PRG4: variants seen among roughly 807,000 people sequenced by gnomAD.
PRG4 encodes the protein proteoglycan 4, also known as articular superficial zone protein.
PRG4 carries 61 observed loss-of-function variants against 91.2 expected under a neutral mutation model. The ratio of observed to expected loss-of-function variants is 0.67; its 90% CI spans 0.54 to 0.83. The LOEUF (loss-of-function observed/expected upper bound fraction) is 0.83. Among genes scored for constraint, PRG4 ranks in the 40% least tolerant of loss-of-function variants. The probability of loss-of-function intolerance (pLI) is 0.00; values close to 1 mark genes in which losing one functional copy is unlikely to be tolerated. For missense variants in PRG4, 1,564 were observed against 1,714.2 expected (o/e 0.91, Z 1.55); for synonymous variants, 576 against 614.2 (o/e 0.94, Z 0.92).
At chr1:186,312,526 A>G in intron 11 of PRG4, 154 bp downstream of exon 11, 1 of 846,638 alleles carries the variant, frequency 1.2e-6, no homozygotes, top group South Asian at 1.8e-5. Context: ...CTTAGTGAAT[A>G]ACCAAAGACC....
Position 186,307,245 on chromosome 1 carries a change from C to T in PRG4, c.1526C>T (p.Thr509Ile). 6.3e-7 allele frequency: 1 copy of T among 1,595,162 alleles called. No individual in the cohort carries two copies. Among genetic ancestry groups the T allele is most frequent in the Non-Finnish European group, 8.5e-7 (1 of 1,172,646 alleles). ...APTTPKEPAP[T>I]TTKEPSPTTP... The stretch of plus-strand genomic sequence containing the variant: ...ACCACTCCCAAGGAGCCTGCACCCA[C>T]CACCACCAAGGAGCCTTCACCCACC... The change falls in exon 7 of 13, where the codon ACC becomes ATC. Residue 509 changes from threonine (T) to isoleucine (I), a missense_variant. Around this residue, in one of 3 missense-constraint regions of PRG4, gnomAD observed 1,079 missense variants for 1,162.2 expected, o/e 0.93. Transcript: ENST00000445192.
intron 2 of PRG4, 102 bp downstream of exon 2, chr1:186,297,053 C>A: frequency 9.2e-7 from 1 of 1,082,038 alleles, no homozygotes; most frequent in Non-Finnish European, 1.4e-6. Flanking sequence ...TTTATATTTG[C>A]TTGAGTTTAA....
rs189427371 is a variant in PRG4 at position 186,314,357 on chromosome 1, A to G, written c.*579A>G. The G allele has an allele frequency of 3.0e-5, 11 of 364,362 alleles. No individual in the cohort carries two copies. Among genetic ancestry groups the G allele is most frequent in the African/African-American group, 6.3e-5 (3 of 47,974 alleles). 22.6% of individuals were successfully genotyped at this position (364,362 alleles called of 1,614,324 possible). The stretch of plus-strand genomic sequence containing the variant: ...AGATACAACAAATGAATATAACACT[A>G]TAACACTTCATATTTTCCAAATCTT... On this transcript the variant is annotated 3_prime_UTR_variant, in exon 13 of 13. Coordinates refer to ENST00000445192, the MANE Select transcript of PRG4 (RefSeq NM_005807.6).
In PRG4 at chr1:186,306,469, C is replaced by G. The variant is rs146317304; in HGVS notation, c.750C>G (p.Pro250=). 2.5e-6 allele frequency: 4 copies of G among 1,613,716 alleles called. No homozygotes were observed. Among genetic ancestry groups the G allele is most frequent in the Non-Finnish European group, 3.4e-6 (4 of 1,179,788 alleles). The change falls in exon 7 of 13, where the codon CCC becomes CCG. Residue 250 remains proline (P), a synonymous_variant. Transcript: ENST00000445192. ...TTQHNKVSTS[P]KITTAKPINP... ...AACACAATAAAGTCAGCACATCTCCCAAGATCACAACAGCAAAACCAATAA... is the reference window on the plus strand; with the variant it reads ...AACACAATAAAGTCAGCACATCTCCGAAGATCACAACAGCAAAACCAATAA...
rs766427843 is a variant in PRG4 at position 186,311,081 on chromosome 1, C to T, written c.3547C>T (p.Arg1183Cys). Reference protein sequence around the residue: ...LSPFSPPSPARRITEVWGIPS... With the variant: ...LSPFSPPSPACRITEVWGIPS... ...TCCATTCAGTCCACCATCTCCAGCTCGCAGAATTACTGAAGTTTGGGGTAT... is the reference window on the plus strand; with the variant it reads ...TCCATTCAGTCCACCATCTCCAGCTTGCAGAATTACTGAAGTTTGGGGTAT... Residue 1183 changes from arginine to cysteine, a missense_variant, in exon 9 of 13, where the codon CGC becomes TGC. Arg to Cys is a radical substitution (Grantham distance 180). This residue lies in a region of PRG4 where 1,079 missense variants were observed against 1,162.2 expected (regional missense o/e 0.93). Coordinates refer to ENST00000445192, the MANE Select transcript of PRG4 (RefSeq NM_005807.6). The T allele has an allele frequency of 3.7e-6, 6 of 1,613,804 alleles. No homozygotes were observed. Among genetic ancestry groups the T allele is most frequent in the Admixed American group, 3.3e-5 (2 of 60,014 alleles).
Position 186,296,987 on chromosome 1 carries a change from C to T in PRG4, c.76+36C>T, listed in dbSNP as rs766832745. On this transcript the variant is annotated intron_variant, in intron 2 of 12. Coordinates refer to ENST00000445192, the MANE Select transcript of PRG4 (RefSeq NM_005807.6). ...CATCGAACATACTTTTATTTAACAA[C>T]TATTGCTAATCATTCAGTCTTGATT... 3 of 1,520,082 alleles carry T rather than the reference C, an allele frequency of 2.0e-6. No homozygotes were observed. In the African/African-American group the frequency reaches 4.1e-5, roughly 21 times the overall value. The allele number at this position is 1,520,082 out of a possible 1,614,324, so 94.2% of individuals were successfully genotyped here.
In PRG4 at chr1:186,306,426, C is replaced by G. The variant is rs371944260; in HGVS notation, c.707C>G (p.Pro236Arg). Residue 236 changes from proline to arginine, a missense_variant, in exon 7 of 13, where the codon CCT becomes CGT. By Grantham distance (103) the Pro-to-Arg change is moderately radical. Around this residue, in one of 3 missense-constraint regions of PRG4, gnomAD observed 437 missense variants for 459.0 expected, o/e 0.95. Coordinates refer to ENST00000445192, the MANE Select transcript of PRG4 (RefSeq NM_005807.6). ...AATGGTGACTTCAAGGTCACAACTC[C>G]TGACACGTCTACCACCCAACACAAT... ...LDNGDFKVTT[P>R]DTSTTQHNKV... The G allele has an allele frequency of 2.2e-5, 36 of 1,613,486 alleles. No individual in the cohort carries two copies. The highest frequency in any genetic ancestry group is 3.0e-5 in the Non-Finnish European group (35 of 1,179,668).
intron 2 of PRG4, among the ~76,000 whole-genome samples, chr1:186,297,294 A>G (rs562307007): frequency 6.6e-5 from 10 of 152,338 alleles, no homozygotes; most frequent in Non-Finnish European, 1.0e-4. Flanking sequence ...ATATTTAGAT[A>G]ACATGTAATT....
intron 2 of PRG4, among the ~76,000 whole-genome samples, chr1:186,298,367 G>C (rs1416203427): frequency 6.6e-6 from 1 of 152,272 alleles, no homozygotes; most frequent in East Asian, 1.9e-4. Context: ...GGGCAACAGA[G>C]TGAGACTCTG....
In PRG4 at chr1:186,310,657, A is replaced by ATTTTT. The variant is rs746583527; in HGVS notation, c.3500-372_3500-368dup. On this transcript the variant is annotated intron_variant, in intron 8 of 12. Transcript: ENST00000445192. ...ACCACCATGCCTGGCTAATTTTTGT[A>ATTTTT]TTTTTTTTTGTATTTTTTTTTTTTT... 4.6e-4 allele frequency among the ~76,000 whole-genome samples: 62 copies of ATTTTT among 135,912 alleles called. 2 individuals are homozygous for ATTTTT. The highest frequency in any genetic ancestry group is 8.2e-4 in the African/African-American group (28 of 34,230). The allele number at this position is 135,912 out of a possible 152,430, so 89.2% of individuals were successfully genotyped here. A position where few individuals can be genotyped will look rare whatever the true frequency, so the allele number is the denominator to read the frequency against.
At chr1:186,304,761 T>C in intron 5 of PRG4, 33 bp from the exon 6 acceptor site, 1 of 1,597,824 alleles carries the variant, frequency 6.3e-7, no homozygotes, top group Non-Finnish European at 8.6e-7. Flanking sequence ...TAAATCACAG[T>C]TGGTGTGATC....
At chr1:186,312,668 C>A in intron 11 of PRG4, 101 bp from the exon 12 acceptor site, 1 of 1,260,712 alleles carries the variant, frequency 7.9e-7, no homozygotes, top group Non-Finnish European at 1.2e-6. Context: ...AGTTCTACAT[C>A]AGAGGGCTAA....
chr1:186,313,633 G>C (rs1657445101), intron 12 of PRG4, 48 bp from the exon 13 acceptor site: 8 of 1,071,236 alleles, frequency 7.5e-6, no homozygotes, highest in East Asian at 2.4e-5. Context: ...TTTTTAGTTT[G>C]GGCATTGTTT....
chr1:186,303,351 T>TG (rs1283062274), intron 4 of PRG4, among the ~76,000 whole-genome samples: 1 of 151,898 alleles, frequency 6.6e-6, no homozygotes, highest in Non-Finnish European at 1.5e-5. Context: ...AGTAGGGTTC[T>TG]GGGGCGATGT....
intron 3 of PRG4, among the ~76,000 whole-genome samples, chr1:186,300,782 T>C (rs900679485): frequency 1.2e-4 from 18 of 152,312 alleles, no homozygotes; most frequent in Admixed American, 3.9e-4. Context: ...TTATGAGTGG[T>C]GTTTCACTTG....
intron 3 of PRG4, among the ~76,000 whole-genome samples, chr1:186,301,379 G>A (rs1656206858): frequency 6.6e-6 from 1 of 152,136 alleles, no homozygotes; most frequent in Non-Finnish European, 1.5e-5. Context: ...AAGAGGAGTT[G>A]CCCTCAGTCA....
chr1:186,300,448 G>A (rs1261835104), intron 3 of PRG4, among the ~76,000 whole-genome samples: 1 of 152,164 alleles, frequency 6.6e-6, no homozygotes, highest in African/African-American at 2.4e-5. Context: ...GGAGGGTAAG[G>A]GGAGCCTGGA....
chr1:186,301,818 T>G, intron 4 of PRG4, 107 bp downstream of exon 4: 1 of 1,416,108 alleles, frequency 7.1e-7, no homozygotes, highest in South Asian at 1.2e-5. Context: ...GGCCTTGATT[T>G]TACTAACATA....
intron 7 of PRG4, 95 bp downstream of exon 7, chr1:186,309,235 G>T: frequency 7.8e-7 from 1 of 1,278,348 alleles, no homozygotes; most frequent in Non-Finnish European, 1.1e-6. Flanking sequence ...ACTCAACTGA[G>T]ATATATTACC....
Sources: gnomAD v4.1 joint callset for allele counts (sites outside exome capture counted in the v4.1 genomes callset) on GRCh38, gnomAD v4.1.1 for gene constraint, gnomAD v4.1.1 regional missense constraint, MANE v1.5 for transcripts, NCBI Gene and HGNC (gene_info 2026-07-23, HGNC 2026-07-21) for gene names.